KAZN: variants seen among roughly 807,000 people sequenced by gnomAD.
KAZN encodes kazrin, periplakin interacting protein, also known as kazrin.
KAZN carries 40 observed loss-of-function variants against 87.4 expected under a neutral mutation model. That is an observed-to-expected ratio of 0.46 (90% CI 0.36 to 0.60). The LOEUF (loss-of-function observed/expected upper bound fraction) is 0.60. Ranked by LOEUF, KAZN falls within the 20% of genes least tolerant of loss-of-function variation. The pLI, the probability that KAZN is intolerant of heterozygous loss-of-function variation, is 0.00. For synonymous variants in KAZN, 466 were observed against 458.3 expected, an observed-to-expected ratio of 1.02 and a Z score of -0.22; for missense variants, 898 against 1,073.9, an observed-to-expected ratio of 0.84 and a Z score of 2.29.
chr1:14,679,130 A>G (rs1640417658), intron 1 of KAZN, among the ~76,000 whole-genome samples: 1 of 152,208 alleles, frequency 6.6e-6, no homozygotes, highest in Non-Finnish European at 1.5e-5. Flanking sequence ...CCATAAATCA[A>G]GAGACAATTA....
In KAZN at chr1:13,957,982, G is replaced by A. The variant is rs953694009; in HGVS notation, c.91+64226G>A. The stretch of plus-strand genomic sequence containing the variant: ...ACAGGAAACGGAACAGGGACGTTCA[G>A]TGCTGGACATTCAAGGATGGGAATG... On this transcript the variant is annotated intron_variant, in intron 1 of 16. Transcript: ENST00000636203. 2.0e-5 allele frequency among the ~76,000 whole-genome samples: 3 copies of A among 152,192 alleles called. No homozygotes were observed. In the East Asian group the frequency reaches 5.8e-4, roughly 29 times the overall value.
intron 1 of KAZN, among the ~76,000 whole-genome samples, chr1:14,172,699 T>C (rs1210098940): frequency 1.3e-5 from 2 of 152,234 alleles, no homozygotes; most frequent in Non-Finnish European, 2.9e-5. Flanking sequence ...TGTGGCCTCA[T>C]CTGGGATGAC....
chr1:14,667,280 T>A (rs575595462), intron 1 of KAZN, among the ~76,000 whole-genome samples: 21 of 152,260 alleles, frequency 1.4e-4, no homozygotes, highest in African/African-American at 5.1e-4. Context: ...TCCATCAGCA[T>A]CCTCAGAGCA....
chr1:14,213,462 G>A (rs547614131), intron 2 of KAZN, among the ~76,000 whole-genome samples: 7 of 152,308 alleles, frequency 4.6e-5, no homozygotes, highest in South Asian at 2.1e-4. Flanking sequence ...TCATGGAGAT[G>A]TATAGGGGAG....
intron 1 of KAZN, among the ~76,000 whole-genome samples, chr1:14,026,211 A>G (rs1253072104): frequency 1.3e-5 from 2 of 152,158 alleles, no homozygotes; most frequent in Admixed American, 1.3e-4. Context: ...AATCCTCCCA[A>G]TGAGAGCTCA....
At chr1:14,216,530 G>T (rs1321383784) in intron 2 of KAZN, among the ~76,000 whole-genome samples, 2 of 152,160 alleles carry the variant, frequency 1.3e-5, no homozygotes, top group African/African-American at 4.8e-5. Context: ...TTTGAAAACT[G>T]CATGAAAACG....
chr1:14,212,338 C>T (rs760340763), intron 2 of KAZN, among the ~76,000 whole-genome samples: 32 of 152,148 alleles, frequency 2.1e-4, no homozygotes, highest in Non-Finnish European at 3.7e-4. Context: ...CACTGCTTTT[C>T]ACAGCCTTAA....
intron 2 of KAZN, among the ~76,000 whole-genome samples, chr1:14,235,440 G>A (rs1394703468): frequency 1.3e-5 from 2 of 152,186 alleles, no homozygotes; most frequent in Non-Finnish European, 2.9e-5. Context: ...GCAGATTAGT[G>A]GTTGTCAGCG....
In KAZN at chr1:14,790,434, G is replaced by A. The variant is rs374357620; in HGVS notation, c.227-170250G>A. On this transcript the variant is annotated intron_variant, in intron 1 of 14. Coordinates refer to ENST00000376030, the MANE Select transcript of KAZN (RefSeq NM_201628.3). ...AAATGTAATAATTCACATACCATAAGATATAATAATCCACATACCATAAAA... is the reference window on the plus strand; with the variant it reads ...AAATGTAATAATTCACATACCATAAAATATAATAATCCACATACCATAAAA... Among the ~76,000 whole-genome samples the A allele has an allele frequency of 2.6e-5, 4 of 152,004 alleles. No individual in the cohort carries two copies. In the East Asian group the frequency reaches 5.8e-4, roughly 22 times the overall value.
At chr1:14,624,354 G>A (rs747211000) in intron 1 of KAZN, among the ~76,000 whole-genome samples, 3 of 152,002 alleles carry the variant, frequency 2.0e-5, no homozygotes, top group African/African-American at 4.8e-5. Flanking sequence ...TCCGGGAGGC[G>A]GAGGTTGCAG....
chr1:14,987,321 C>T (rs1250103323), intron 2 of KAZN, among the ~76,000 whole-genome samples: 1 of 152,034 alleles, frequency 6.6e-6, no homozygotes, highest in African/African-American at 2.4e-5. Context: ...GGTGAAACCC[C>T]GTCTCTACTA....
At chr1:14,195,865 G>A (rs558822318) in intron 2 of KAZN, among the ~76,000 whole-genome samples, 228 of 152,246 alleles carry the variant, frequency 1.5e-3, no homozygotes, top group African/African-American at 5.1e-3. Context: ...AAGCCTAGGC[G>A]GGAGAGATAA....
intron 1 of KAZN, among the ~76,000 whole-genome samples, chr1:14,160,857 T>G (rs535848595): frequency 2.0e-5 from 3 of 152,220 alleles, no homozygotes; most frequent in Non-Finnish European, 4.4e-5. Flanking sequence ...TTTAGAAGAT[T>G]GCATCTGATG....
chr1:14,922,836 G>GT (rs1453578876), intron 1 of KAZN, among the ~76,000 whole-genome samples: 4 of 151,934 alleles, frequency 2.6e-5, no homozygotes, highest in African/African-American at 9.7e-5. Flanking sequence ...CAGGGCAGGG[G>GT]TTCTAAGGCA....
At chr1:14,720,079 G>A (rs1429981018) in intron 1 of KAZN, among the ~76,000 whole-genome samples, 1 of 152,182 alleles carries the variant, frequency 6.6e-6, no homozygotes, top group Non-Finnish European at 1.5e-5. Context: ...TAAGGGACAC[G>A]TCTCAAGCCA....
At position 14,598,784 on chromosome 1, in the gene KAZN, C is replaced by G. The variant is rs987910572; in HGVS notation, c.-214C>G. ...CTTTTTTCTCCTCCGCCTCCTCCCC[C>G]CGCCGCCTCGCCACCGCCGCGGCTA... On this transcript the variant is annotated 5_prime_UTR_variant, in exon 1 of 15. Coordinates refer to ENST00000376030, the MANE Select transcript of KAZN (RefSeq NM_201628.3). This position sits in a 1 kb window ranked among gnomAD's most constrained non-coding sequence, Gnocchi z 4.2. 2.7e-5 allele frequency: 37 copies of G among 1,351,694 alleles called. 1 individual carries two copies. The highest frequency in any genetic ancestry group is 4.1e-5 in the South Asian group (2 of 49,190). The allele number at this position is 1,351,694 out of a possible 1,614,324, so 83.7% of individuals were successfully genotyped here. A position where few individuals can be genotyped will look rare whatever the true frequency, so the allele number is the denominator to read the frequency against.
chr1:14,968,812 G>T (rs558564450), intron 2 of KAZN, among the ~76,000 whole-genome samples: 8 of 152,316 alleles, frequency 5.3e-5, no homozygotes, highest in African/African-American at 1.9e-4. Context: ...TTCACCAAAT[G>T]TTCCCTGAAA....
At chr1:14,421,840 G>T (rs535843662) in intron 2 of KAZN, among the ~76,000 whole-genome samples, 2 of 151,848 alleles carry the variant, frequency 1.3e-5, no homozygotes, top group Non-Finnish European at 2.9e-5. Flanking sequence ...CCCCTCCCCC[G>T]GCCTCTTTCA....
At chr1:14,128,511 C>T (rs1223315475) in intron 1 of KAZN, among the ~76,000 whole-genome samples, 1 of 152,136 alleles carries the variant, frequency 6.6e-6, no homozygotes, top group Non-Finnish European at 1.5e-5. Context: ...CAGACAGCGG[C>T]CTTCTTGCTG....
Sources: gnomAD v4.1 joint callset for allele counts (sites outside exome capture counted in the v4.1 genomes callset) on GRCh38, gnomAD v4.1.1 for gene constraint, Gnocchi (gnomAD v3.1) non-coding constraint, MANE v1.5 for transcripts, NCBI Gene and HGNC (gene_info 2026-07-23, HGNC 2026-07-21) for gene names.